The following PGM2L1 variants were observed in gnomAD, a reference collection of about 807,000 sequenced individuals.
PGM2L1 encodes phosphoglucomutase 2 like 1.
A neutral mutation model predicts 73.4 loss-of-function variants in PGM2L1; 35 were observed. The ratio of observed to expected loss-of-function variants is 0.48; its 90% CI spans 0.36 to 0.63. The LOEUF is 0.63. Among genes scored for constraint, PGM2L1 ranks in the 30% least tolerant of loss-of-function variants. The pLI is 0.00. For synonymous variants in PGM2L1, 225 were observed against 253.8 expected (o/e 0.89, Z 1.08); for missense variants, 570 against 742.0 (o/e 0.77, Z 2.69).
chr11:74,381,473 G>C (rs980441054), intron 1 of PGM2L1, among the ~76,000 whole-genome samples: 9 of 151,980 alleles, frequency 5.9e-5, no homozygotes, highest in Non-Finnish European at 1.2e-4. Context: ...TCATGGACCA[G>C]CCCTGGGCTG....
chr11:74,386,734 C>T (rs564010095), intron 1 of PGM2L1, among the ~76,000 whole-genome samples: 8 of 152,272 alleles, frequency 5.3e-5, no homozygotes, highest in Non-Finnish European at 7.4e-5. Context: ...GCCCTGGCCT[C>T]CCAAAATGCT....
intron 1 of PGM2L1, among the ~76,000 whole-genome samples, chr11:74,387,491 C>T (rs995877293): frequency 6.6e-6 from 1 of 152,206 alleles, no homozygotes; most frequent in Non-Finnish European, 1.5e-5. Flanking sequence ...CCTATACTTA[C>T]TCACCATAGT....
At chr11:74,392,544 A>C (rs1863117638) in intron 1 of PGM2L1, among the ~76,000 whole-genome samples, 1 of 151,024 alleles carries the variant, frequency 6.6e-6, no homozygotes, top group South Asian at 2.1e-4. Context: ...CCAATAAAAT[A>C]GTTTTTTTTT....
chr11:74,345,596 C>T lies in PGM2L1; in HGVS notation c.1091G>A (p.Trp364Ter), dbSNP rs1333146600. The change falls in exon 9 of 14, where the codon TGG becomes TAG. Residue 364 changes from tryptophan to a stop codon, truncating the protein, a stop_gained. Transcript: ENST00000298198. LOFTEE classifies it high-confidence loss of function. ...GNELAALFGW[W>*]MFDCWKKNKS... ...ATTTTTCTTCCAGCAATCAAACATC[C>T]ACCATCCAAACAAAGCTGCCAACTC... 1 of 1,613,816 alleles carries T rather than the reference C, an allele frequency of 6.2e-7. No individual in the cohort carries two copies.
chr11:74,370,933 A>T lies in PGM2L1; in HGVS notation c.440T>A (p.Leu147His), dbSNP rs146198801. The T allele has an allele frequency of 7.3e-5, 118 of 1,612,852 alleles. No homozygotes were observed. The highest frequency in any genetic ancestry group is 9.5e-5 in the Non-Finnish European group (112 of 1,179,202). ...AGGTGTAGGAACATATCTTGAAAAA[A>T]GGTACACAGGAACATCTTTGGCCAG... The part of the protein sequence containing the change: ...VLLAKDVPVY[L>H]FSRYVPTPFV... Residue 147 changes from leucine (L) to histidine (H), a missense_variant, in exon 4 of 14, where the codon CTT (leucine) becomes CAT (histidine). Coordinates refer to ENST00000298198, the MANE Select transcript of PGM2L1 (RefSeq NM_173582.6).
At chr11:74,376,054 G>T (rs762845890) in intron 1 of PGM2L1, among the ~76,000 whole-genome samples, 1 of 152,270 alleles carries the variant, frequency 6.6e-6, no homozygotes, top group Non-Finnish European at 1.5e-5. Context: ...TGTAAACTGG[G>T]ATAGTCTTTT....
chr11:74,364,663 T>G (rs1361081567), intron 5 of PGM2L1, among the ~76,000 whole-genome samples: 2 of 152,182 alleles, frequency 1.3e-5, no homozygotes, highest in East Asian at 1.9e-4. Context: ...ACAAGTGATG[T>G]GAAGGACCTC....
intron 1 of PGM2L1, among the ~76,000 whole-genome samples, chr11:74,383,816 T>TATAA (rs1335009051): frequency 4.7e-5 from 5 of 106,190 alleles, no homozygotes; most frequent in South Asian, 3.0e-4. Context: ...TATGGAGATA[T>TATAA]ATAAATAAAT....
chr11:74,340,535 A>G (rs1862167379), intron 12 of PGM2L1, among the ~76,000 whole-genome samples: 1 of 152,232 alleles, frequency 6.6e-6, no homozygotes, highest in Non-Finnish European at 1.5e-5. Context: ...TCCAAAATAC[A>G]TTATGTCCCC....
chr11:74,363,709 G>A (rs1862604978), intron 5 of PGM2L1, among the ~76,000 whole-genome samples: 2 of 152,096 alleles, frequency 1.3e-5, no homozygotes, highest in African/African-American at 4.8e-5. Flanking sequence ...CTGAAATTGA[G>A]GCAATAATCA....
rs1332525680 is a variant in PGM2L1, at chr11:74,335,534, T to C, written c.*1118A>G. The stretch of plus-strand genomic sequence containing the variant: ...GATGTTAGAATAAACTGGACCTCTG[T>C]TTTAAAACATGTAGTTTTAGTATTT... On this transcript the variant is annotated 3_prime_UTR_variant, in exon 14 of 14. Transcript: ENST00000298198. 6.6e-6 allele frequency: 1 copy of C among 152,262 alleles called. No homozygotes were observed. The highest frequency in any genetic ancestry group is 2.4e-5 in the African/African-American group (1 of 41,468). The allele number at this position is 152,262 out of a possible 1,614,324, so 9.4% of individuals were successfully genotyped here. A position where few individuals can be genotyped will look rare whatever the true frequency, so the allele number is the denominator to read the frequency against.
intron 7 of PGM2L1, 100 bp downstream of exon 7, chr11:74,347,048 G>A (rs952594232): frequency 5.5e-6 from 6 of 1,085,700 alleles, no homozygotes; most frequent in Non-Finnish European, 6.4e-6. Flanking sequence ...GTAAACTACA[G>A]TCCTTTCTGC....
At chr11:74,362,650 T>G (rs1012141371) in intron 5 of PGM2L1, among the ~76,000 whole-genome samples, 3 of 152,198 alleles carry the variant, frequency 2.0e-5, no homozygotes, top group African/African-American at 7.2e-5. Context: ...AGGAGACGCA[T>G]CTCACGTGCA....
At position 74,398,424 on chromosome 11, in the gene PGM2L1, A is replaced by C. The variant is rs1863217917; in HGVS notation, c.-263T>G. On this transcript the variant is annotated 5_prime_UTR_variant, in exon 1 of 14. Coordinates refer to ENST00000298198, the MANE Select transcript of PGM2L1 (RefSeq NM_173582.6). The stretch of plus-strand genomic sequence containing the variant: ...GGCGGTCGCGCCGCGAGAGAACAAC[A>C]GTCCCAGATGTCTGGGTCCTGGCTC... 1 of 396,874 alleles carries C rather than the reference A, an allele frequency of 2.5e-6. No individual in the cohort carries two copies. The highest frequency in any genetic ancestry group is 2.1e-5 in the African/African-American group (1 of 47,920). 24.6% of individuals were successfully genotyped at this position (396,874 alleles called of 1,614,324 possible).
At chr11:74,342,416 C>T in intron 12 of PGM2L1, 45 bp downstream of exon 12, 3 of 1,369,984 alleles carry the variant, frequency 2.2e-6, no homozygotes, top group Non-Finnish European at 2.9e-6. Flanking sequence ...GTGACATGAG[C>T]CATGAAATTT....
chr11:74,348,463 A>G (rs1465608765), intron 6 of PGM2L1, among the ~76,000 whole-genome samples: 1 of 152,202 alleles, frequency 6.6e-6, no homozygotes, highest in Non-Finnish European at 1.5e-5. Flanking sequence ...TATTCAAGAT[A>G]TATTACTTTA....
At chr11:74,367,010 G>A (rs1262743116) in intron 5 of PGM2L1, among the ~76,000 whole-genome samples, 1 of 152,196 alleles carries the variant, frequency 6.6e-6, no homozygotes, top group Non-Finnish European at 1.5e-5. Context: ...ATGATTGGTA[G>A]AGGATATGGG....
intron 1 of PGM2L1, among the ~76,000 whole-genome samples, chr11:74,395,433 C>T (rs1210325222): frequency 1.3e-5 from 2 of 151,594 alleles, no homozygotes; most frequent in East Asian, 2.0e-4. Context: ...GTCATCCAGG[C>T]TGGAGTGCAG....
At chr11:74,347,750 G>A (rs1862291343) in intron 6 of PGM2L1, among the ~76,000 whole-genome samples, 1 of 152,130 alleles carries the variant, frequency 6.6e-6, no homozygotes, top group Non-Finnish European at 1.5e-5. Context: ...TTATATGTCA[G>A]TCTGGCTACT....
Sources: gnomAD v4.1 joint callset for allele counts (sites outside exome capture counted in the v4.1 genomes callset) on GRCh38, gnomAD v4.1.1 for gene constraint, MANE v1.5 for transcripts, NCBI Gene and HGNC (gene_info 2026-07-23, HGNC 2026-07-21) for gene names.